PTPRD: variants seen among roughly 807,000 people sequenced by gnomAD.
PTPRD encodes the protein receptor-type tyrosine-protein phosphatase delta.
Under a neutral mutation model 214.5 loss-of-function variants are expected in PTPRD, and 34 were observed. That is an observed-to-expected ratio of 0.16 (90% CI 0.12 to 0.21). PTPRD has a LOEUF of 0.21. Ranked by LOEUF, PTPRD falls within the 10% of genes least tolerant of loss-of-function variation. PTPRD has a pLI of 1.00. For missense variants in PTPRD, 2,545 were observed against 2,398.7 expected (o/e 1.06, Z -1.27); for synonymous variants, 1,128 against 845.7 (o/e 1.33, Z -5.79).
At chr9:9,859,165 C>A (rs779783214) in intron 5 of PTPRD, among the ~76,000 whole-genome samples, 6 of 152,204 alleles carry the variant, frequency 3.9e-5, no homozygotes, top group Non-Finnish European at 8.8e-5. Context: ...AAGAAGGTAC[C>A]TGCTTCCCCT....
chr9:9,738,400 T>G (rs991104042), intron 6 of PTPRD, among the ~76,000 whole-genome samples: 1 of 151,020 alleles, frequency 6.6e-6, no homozygotes. Flanking sequence ...TTTTTAATCT[T>G]CTTTGGAGAA....
At chr9:8,632,820 A>C (rs959820571) in intron 14 of PTPRD, among the ~76,000 whole-genome samples, 18 of 152,054 alleles carry the variant, frequency 1.2e-4, no homozygotes, top group African/African-American at 3.9e-4. Flanking sequence ...CAGACAAATA[A>C]AAAATGTATT....
At chr9:8,805,541 T>C (rs1035932191) in intron 11 of PTPRD, among the ~76,000 whole-genome samples, 4 of 151,726 alleles carry the variant, frequency 2.6e-5, no homozygotes, top group Admixed American at 6.6e-5. Flanking sequence ...ATAGACAGAA[T>C]AGGAAAATCT....
intron 7 of PTPRD, among the ~76,000 whole-genome samples, chr9:9,609,572 C>T (rs1027157421): frequency 6.6e-6 from 1 of 152,156 alleles, no homozygotes; most frequent in Non-Finnish European, 1.5e-5. Context: ...AAGCAATTCT[C>T]GTGCCTCAGC....
intron 3 of PTPRD, among the ~76,000 whole-genome samples, chr9:10,204,571 C>G (rs1030085398): frequency 6.6e-6 from 1 of 151,922 alleles, no homozygotes; most frequent in Non-Finnish European, 1.5e-5. Flanking sequence ...AAGAACATAT[C>G]ATTTGTTCTG....
In PTPRD at chr9:10,324,973, A is replaced by T. The variant is rs1347890778; in HGVS notation, c.-545+15990T>A. On this transcript the variant is annotated intron_variant, in intron 3 of 45. Transcript: ENST00000381196. Reference sequence around the variant, plus strand: ...ATGTACTTTCCTATACTTTATTTAAATGAGGGCCATAATACATTTTTTAAG... The same window carrying T: ...ATGTACTTTCCTATACTTTATTTAATTGAGGGCCATAATACATTTTTTAAG... Among the ~76,000 whole-genome samples the T allele has an allele frequency of 2.0e-5, 3 of 152,038 alleles. No homozygotes were observed. In the East Asian group the frequency reaches 5.8e-4, roughly 30 times the overall value.
At chr9:9,856,361 T>C (rs1390120505) in intron 5 of PTPRD, among the ~76,000 whole-genome samples, 1 of 152,146 alleles carries the variant, frequency 6.6e-6, no homozygotes, top group Non-Finnish European at 1.5e-5. Flanking sequence ...TGAGCCACGG[T>C]CTCAGGGTTT....
At chr9:10,294,388 A>T (rs1269821250) in intron 3 of PTPRD, among the ~76,000 whole-genome samples, 1 of 151,974 alleles carries the variant, frequency 6.6e-6, no homozygotes, top group Non-Finnish European at 1.5e-5. Flanking sequence ...TTGGGTGGTT[A>T]CAAGCTAAAG....
chr9:9,700,659 C>A (rs191569191), intron 7 of PTPRD, among the ~76,000 whole-genome samples: 3 of 151,928 alleles, frequency 2.0e-5, no homozygotes, highest in East Asian at 1.9e-4. Context: ...CAGTCATATA[C>A]AATAATTCCT....
chr9:10,144,383 C>T (rs943939553), intron 3 of PTPRD, among the ~76,000 whole-genome samples: 11 of 152,052 alleles, frequency 7.2e-5, no homozygotes, highest in African/African-American at 1.7e-4. Context: ...GACACTCAGG[C>T]GGACTTAGGA....
At chr9:8,929,520 T>A (rs1343439473) in intron 11 of PTPRD, among the ~76,000 whole-genome samples, 2 of 151,910 alleles carry the variant, frequency 1.3e-5, no homozygotes, top group African/African-American at 4.8e-5. Context: ...GAACCTGCCT[T>A]GCATCCCAAG....
chr9:10,156,795 T>C (rs2099096102), intron 3 of PTPRD, among the ~76,000 whole-genome samples: 1 of 152,194 alleles, frequency 6.6e-6, no homozygotes, highest in Non-Finnish European at 1.5e-5. Flanking sequence ...TTTAAGAACT[T>C]GCTTTATGAA....
At chr9:8,524,876 C>T (rs747176184) in intron 18 of PTPRD, 49 bp downstream of exon 18, 4 of 1,514,294 alleles carry the variant, frequency 2.6e-6, no homozygotes, top group African/African-American at 2.7e-5. Context: ...CGTCTCAACT[C>T]CCCCTGAGCC....
intron 10 of PTPRD, among the ~76,000 whole-genome samples, chr9:9,108,557 T>C (rs2154447258): frequency 6.6e-6 from 1 of 152,326 alleles, no homozygotes. Flanking sequence ...TCCAGGCTGC[T>C]TTTATCTTGG....
chr9:9,798,427 AT>A (rs1296589895), intron 5 of PTPRD, among the ~76,000 whole-genome samples: 2 of 152,132 alleles, frequency 1.3e-5, no homozygotes, highest in Non-Finnish European at 2.9e-5. Context: ...ATGGGAATAA[AT>A]TGGGGGGAAT....
intron 11 of PTPRD, among the ~76,000 whole-genome samples, chr9:8,850,688 T>C (rs971259863): frequency 3.9e-5 from 6 of 152,186 alleles, no homozygotes; most frequent in African/African-American, 1.4e-4. Flanking sequence ...CATAAATCAA[T>C]GTATCTACAA....
intron 9 of PTPRD, among the ~76,000 whole-genome samples, chr9:9,244,563 A>C (rs1245664256): frequency 3.9e-5 from 6 of 152,158 alleles, no homozygotes; most frequent in African/African-American, 1.4e-4. Flanking sequence ...ACAAATGGTT[A>C]TGGGAAAACT....
intron 10 of PTPRD, among the ~76,000 whole-genome samples, chr9:9,110,218 C>G (rs1444418274): frequency 6.6e-6 from 1 of 152,106 alleles, no homozygotes; most frequent in Non-Finnish European, 1.5e-5. Context: ...CTCCATTTCA[C>G]TTACTTTTAA....
In PTPRD at chr9:9,314,279, A is replaced by G. The variant is rs139889957; in HGVS notation, c.-203+83170T>C. Among the ~76,000 whole-genome samples, 757 of 152,294 alleles carry G rather than the reference A, an allele frequency of 5.0e-3. 4 individuals are homozygous for G. Among genetic ancestry groups the G allele is most frequent in the African/African-American group, 0.017 (721 of 41,586 alleles). ...GTAAGATTCCATTATTTTTAACGGA[A>G]CAAAATTTGTATTCTGAGTTCATTA... On this transcript the variant is annotated intron_variant, in intron 9 of 45. Coordinates refer to ENST00000381196, the MANE Select transcript of PTPRD (RefSeq NM_002839.4).
Sources: allele counts gnomAD v4.1 joint callset (sites outside exome capture counted in the v4.1 genomes callset), GRCh38; gene constraint gnomAD v4.1.1; transcripts MANE v1.5; gene names NCBI Gene and HGNC (gene_info 2026-07-23, HGNC 2026-07-21).